The following RARB variants were observed in gnomAD, a reference collection of about 807,000 sequenced individuals.
RARB encodes HBV-activated protein.
Under a neutral mutation model 51.9 loss-of-function variants are expected in RARB, and 17 were observed. The ratio of observed to expected loss-of-function variants is 0.33; its 90% CI spans 0.22 to 0.49. The LOEUF is 0.49. Ranked by LOEUF, RARB falls within the 20% of genes least tolerant of loss-of-function variation. The pLI, the probability that RARB is intolerant of heterozygous loss-of-function variation, is 0.99. For synonymous variants in RARB, 215 were observed against 195.4 expected (o/e 1.10, Z -0.84); for missense variants, 369 against 550.8 (o/e 0.67, Z 3.30).
At chr3:25,262,045 C>T (rs1277300608) in intron 5 of RARB, among the ~76,000 whole-genome samples, 1 of 152,104 alleles carries the variant, frequency 6.6e-6, no homozygotes, top group Non-Finnish European at 1.5e-5. Context: ...CCCTCTGGGG[C>T]TTCCTTTTTT....
intron 5 of RARB, among the ~76,000 whole-genome samples, chr3:25,226,357 A>G (rs930819019): frequency 6.6e-5 from 10 of 152,352 alleles, no homozygotes; most frequent in Non-Finnish European, 1.0e-4. Context: ...TGACTTCAAG[A>G]TAATTTAGTT....
At chr3:25,505,511 C>T (rs970437122) in intron 3 of RARB, among the ~76,000 whole-genome samples, 7 of 151,212 alleles carry the variant, frequency 4.6e-5, no homozygotes, top group African/African-American at 1.2e-4. Context: ...AATCCTTTAA[C>T]GTGGCCTATC....
chr3:24,877,426 C>T (rs1703068883), intron 2 of RARB, among the ~76,000 whole-genome samples: 1 of 135,658 alleles, frequency 7.4e-6, no homozygotes, highest in Non-Finnish European at 1.5e-5. Flanking sequence ...GCCCCAGAAC[C>T]TTTAAAAGTA....
chr3:25,447,038 G>A (rs1242735266), intron 1 of RARB, among the ~76,000 whole-genome samples: 2 of 151,772 alleles, frequency 1.3e-5, no homozygotes, highest in African/African-American at 4.8e-5. Context: ...AACTGATCGT[G>A]TTAATAATCC....
chr3:25,495,451 A>C (rs1238604542), intron 2 of RARB, among the ~76,000 whole-genome samples: 1 of 152,226 alleles, frequency 6.6e-6, no homozygotes, highest in Non-Finnish European at 1.5e-5. Context: ...TTCTTTCTGC[A>C]CTGTAGATAA....
At chr3:25,004,987 G>C (rs1183893020) in intron 2 of RARB, among the ~76,000 whole-genome samples, 1 of 152,060 alleles carries the variant, frequency 6.6e-6, no homozygotes, top group Non-Finnish European at 1.5e-5. Context: ...TGCTAGTCTT[G>C]TAGTCATTCT....
At chr3:25,461,086 T>A (rs930303884) in intron 1 of RARB, 107 bp from the exon 2 acceptor site, 36 of 1,294,450 alleles carry the variant, frequency 2.8e-5, no homozygotes, top group Non-Finnish European at 3.7e-5. Flanking sequence ...TTCTTGCTAG[T>A]GTTATTGCTG....
At chr3:25,180,477 T>A (rs1700839646) in intron 5 of RARB, among the ~76,000 whole-genome samples, 1 of 152,206 alleles carries the variant, frequency 6.6e-6, no homozygotes, top group Non-Finnish European at 1.5e-5. Flanking sequence ...AATGAACTCA[T>A]CCATCTGCAA....
chr3:25,270,461 T>C (rs1703232568), intron 5 of RARB, among the ~76,000 whole-genome samples: 1 of 152,162 alleles, frequency 6.6e-6, no homozygotes, highest in Non-Finnish European at 1.5e-5. Context: ...CTAAAAATTG[T>C]TAAAATGGTA....
chr3:25,220,292 A>G (rs1701919549), intron 5 of RARB, among the ~76,000 whole-genome samples: 1 of 152,198 alleles, frequency 6.6e-6, no homozygotes, highest in Admixed American at 6.5e-5. Flanking sequence ...GTATGTAGGA[A>G]TTCATCTTGC....
chr3:24,886,958 A>G (rs1703279666), intron 2 of RARB, among the ~76,000 whole-genome samples: 1 of 152,228 alleles, frequency 6.6e-6, no homozygotes, highest in Non-Finnish European at 1.5e-5. Context: ...TTTTGCATAC[A>G]AACTTTTAAT....
intron 2 of RARB, among the ~76,000 whole-genome samples, chr3:24,995,712 T>C (rs1697006241): frequency 6.6e-6 from 1 of 152,112 alleles, no homozygotes. Context: ...TTTCTACATC[T>C]ATTGAGATGA....
chr3:25,106,462 TTTTTTGTTTTG>T (rs1559468554), intron 3 of RARB, among the ~76,000 whole-genome samples: 1 of 126,250 alleles, frequency 7.9e-6, no homozygotes, highest in African/African-American at 3.1e-5. Context: ...TTTTTTGTTT[TTTTTTGTTTTG>T]TTTTTTTTTT....
At chr3:25,303,511 G>A (rs1001143235) in intron 5 of RARB, among the ~76,000 whole-genome samples, 1 of 152,162 alleles carries the variant, frequency 6.6e-6, no homozygotes, top group African/African-American at 2.4e-5. Flanking sequence ...CCAAAATGAA[G>A]ACCCGTGTCC....
At chr3:25,024,486 C>T (rs567795986) in intron 2 of RARB, among the ~76,000 whole-genome samples, 1 of 152,064 alleles carries the variant, frequency 6.6e-6, no homozygotes, top group African/African-American at 2.4e-5. Flanking sequence ...CATTAAGCAA[C>T]AAAATGTGCC....
At chr3:25,464,067 T>C (rs186723242) in intron 2 of RARB, among the ~76,000 whole-genome samples, 72 of 152,366 alleles carry the variant, frequency 4.7e-4, no homozygotes, top group Non-Finnish European at 6.5e-4. Flanking sequence ...TGTTGTGCAA[T>C]ATATAAATAA....
intron 5 of RARB, among the ~76,000 whole-genome samples, chr3:25,400,493 A>C (rs1318177105): frequency 6.6e-6 from 1 of 152,154 alleles, no homozygotes; most frequent in Non-Finnish European, 1.5e-5. Context: ...TCGAAGAAAG[A>C]AGGTCTCAAT....
At chr3:25,311,697 G>A (rs1401365808) in intron 5 of RARB, among the ~76,000 whole-genome samples, 1 of 152,184 alleles carries the variant, frequency 6.6e-6, no homozygotes, top group Middle Eastern at 3.2e-3. Flanking sequence ...AATATGGAAA[G>A]GAATATCATT....
intron 3 of RARB, among the ~76,000 whole-genome samples, chr3:25,099,541 A>G (rs62230272): frequency 0.041 from 6,174 of 151,668 alleles, 165 homozygotes; most frequent in Middle Eastern, 0.075. Context: ...ATCTTCTTAG[A>G]TATTATTATA....
Sources: allele counts gnomAD v4.1 joint callset (sites outside exome capture counted in the v4.1 genomes callset), GRCh38; gene constraint gnomAD v4.1.1; transcripts MANE v1.5; gene names NCBI Gene and HGNC (gene_info 2026-07-23, HGNC 2026-07-21).